The following CAMK4 variants were observed in gnomAD, a reference collection of about 807,000 sequenced individuals.
CAMK4 encodes calcium/calmodulin-dependent protein kinase type IV.
Under a neutral mutation model 44.9 loss-of-function variants are expected in CAMK4, and 22 were observed. The ratio of observed to expected loss-of-function variants is 0.49; its 90% CI spans 0.35 to 0.70. The LOEUF (loss-of-function observed/expected upper bound fraction) is 0.70, where lower values mean the gene tolerates loss of function less well. CAMK4 is among the 30% of genes least tolerant of loss of function. The probability of loss-of-function intolerance (pLI) is 0.01; values close to 1 mark genes in which losing one functional copy is unlikely to be tolerated. For synonymous variants in CAMK4, 218 were observed against 215.4 expected (o/e 1.01, Z -0.11); for missense variants, 498 against 586.8 (o/e 0.85, Z 1.56).
intron 2 of CAMK4, among the ~76,000 whole-genome samples, chr5:111,356,203 T>C (rs1179429764): frequency 1.3e-5 from 2 of 149,914 alleles, no homozygotes; most frequent in Admixed American, 6.7e-5. Context: ...TTCTAACTGG[T>C]GTGAGATGGT....
chr5:111,419,442 A>G (rs1422580241), intron 5 of CAMK4, among the ~76,000 whole-genome samples: 6 of 152,024 alleles, frequency 3.9e-5, no homozygotes, highest in South Asian at 4.1e-4. Context: ...AAACTCTTTA[A>G]TTTAATTAGA....
intron 1 of CAMK4, among the ~76,000 whole-genome samples, chr5:111,277,262 A>G (rs931874010): frequency 1.3e-5 from 2 of 152,196 alleles, no homozygotes; most frequent in Non-Finnish European, 2.9e-5. Context: ...AACCACTTAC[A>G]CTGGAGTCTA....
Position 111,478,402 on chromosome 5 carries a change from C to T in CAMK4, c.723C>T (p.Phe241=), listed in dbSNP as rs769520998. ...CTAGACTTTGTGGATTTGAACCATT[C>T]TATGATGAAAGAGGCGATCAGTTCA... The part of the protein sequence containing the change: ...TYILLCGFEP[F]YDERGDQFMF... The change falls in exon 9 of 11, where the codon TTC becomes TTT. Residue 241 remains phenylalanine (F), a synonymous_variant. Transcript: ENST00000282356. 1.9e-6 allele frequency: 3 copies of T among 1,574,978 alleles called. No homozygotes were observed. The highest frequency in any genetic ancestry group is 1.7e-6 in the Non-Finnish European group (2 of 1,148,942).
At chr5:111,311,757 A>G (rs1358459743) in intron 1 of CAMK4, among the ~76,000 whole-genome samples, 1 of 152,196 alleles carries the variant, frequency 6.6e-6, no homozygotes, top group East Asian at 1.9e-4. Context: ...TTTCTCAAGG[A>G]CAATCATAAA....
At chr5:111,294,298 G>A (rs140390087) in intron 1 of CAMK4, among the ~76,000 whole-genome samples, 1 of 152,138 alleles carries the variant, frequency 6.6e-6, no homozygotes, top group African/African-American at 2.4e-5. Context: ...TGCTAAAAAT[G>A]CTATTTAGGT....
intron 1 of CAMK4, among the ~76,000 whole-genome samples, chr5:111,273,701 A>ATT (rs1750625003): frequency 1.9e-5 from 1 of 52,364 alleles, no homozygotes; most frequent in Non-Finnish European, 3.1e-5. Context: ...ATATATATAT[A>ATT]TATATATATA....
intron 1 of CAMK4, among the ~76,000 whole-genome samples, chr5:111,340,573 TGATGA>T (rs1481638276): frequency 6.6e-6 from 1 of 151,412 alleles, no homozygotes; most frequent in Non-Finnish European, 1.5e-5. Flanking sequence ...CACTTGACCA[TGATGA>T]ATGAGCCTTT....
At chr5:111,391,355 G>C (rs976090100) in intron 4 of CAMK4, among the ~76,000 whole-genome samples, 2 of 152,100 alleles carry the variant, frequency 1.3e-5, no homozygotes, top group African/African-American at 4.8e-5. Flanking sequence ...AAAAGGTTAA[G>C]TAAACCAATT....
At chr5:111,258,694 G>C (rs1401620374) in intron 1 of CAMK4, among the ~76,000 whole-genome samples, 1 of 151,454 alleles carries the variant, frequency 6.6e-6, no homozygotes, top group African/African-American at 2.4e-5. Flanking sequence ...GATTTGGGTG[G>C]GGACACAGCC....
intron 5 of CAMK4, among the ~76,000 whole-genome samples, chr5:111,419,781 C>G (rs938658145): frequency 2.6e-5 from 4 of 152,074 alleles, no homozygotes; most frequent in Non-Finnish European, 4.4e-5. Context: ...TCTGAGGGCT[C>G]TGTTCTGTTC....
intron 7 of CAMK4, among the ~76,000 whole-genome samples, chr5:111,460,109 C>T (rs991085435): frequency 6.6e-6 from 1 of 151,970 alleles, no homozygotes; most frequent in African/African-American, 2.4e-5. Context: ...TGGACCAGAA[C>T]ACCCACAAAA....
rs78006020 is a variant in CAMK4, at chr5:111,455,914, G to A, written c.625+6711G>A. ...GAATAATAAGAACACTTATTTCACA[G>A]GGCTATTATAAAGAATAAATAAGAT... On this transcript the variant is annotated intron_variant, in intron 7 of 10. Transcript: ENST00000282356. Among the ~76,000 whole-genome samples, 244 of 152,286 alleles carry A rather than the reference G, an allele frequency of 1.6e-3. 6 individuals are homozygous for A. The East Asian group carries it at 0.018, about 11-fold the overall frequency.
intron 2 of CAMK4, among the ~76,000 whole-genome samples, chr5:111,351,879 T>C (rs1047204284): frequency 1.3e-5 from 2 of 152,174 alleles, no homozygotes; most frequent in African/African-American, 2.4e-5. Flanking sequence ...TTCACAGTTC[T>C]GGAGGCTGAG....
intron 1 of CAMK4, among the ~76,000 whole-genome samples, chr5:111,339,735 C>T (rs138231389): frequency 3.3e-5 from 5 of 150,770 alleles, no homozygotes; most frequent in East Asian, 3.9e-4. Flanking sequence ...ACAGGAATTT[C>T]GGAATTTTTT....
At chr5:111,439,742 C>T (rs1367360015) in intron 5 of CAMK4, among the ~76,000 whole-genome samples, 1 of 152,030 alleles carries the variant, frequency 6.6e-6, no homozygotes, top group East Asian at 1.9e-4. Flanking sequence ...GATGAGCTCA[C>T]CCTGGAAACA....
rs376782671 is a variant in CAMK4 at position 111,413,768 on chromosome 5, A to G, written c.459+18986A>G. On this transcript the variant is annotated intron_variant, in intron 5 of 10. Coordinates refer to ENST00000282356, the MANE Select transcript of CAMK4 (RefSeq NM_001744.6). ...TTGATGTAGGATAAACAGAAAATAT[A>G]GGTTCAAATATTTTGTAAAATCACT... is the stretch of plus-strand genomic sequence containing the variant. Among the ~76,000 whole-genome samples the G allele has an allele frequency of 1.2e-4, 18 of 152,246 alleles. No homozygotes were observed. The East Asian group carries it at 3.1e-3, about 26-fold the overall frequency.
Position 111,385,963 on chromosome 5 carries a change from A to G in CAMK4, c.387-8747A>G, listed in dbSNP as rs960092150. On this transcript the variant is annotated intron_variant, in intron 4 of 10. Transcript: ENST00000282356. The stretch of plus-strand genomic sequence containing the variant: ...CTTTTAGGCCCATTCCCAGATTTGC[A>G]ATTTGATTTGACCTCCTCTTTCTCT... Among the ~76,000 whole-genome samples the G allele has an allele frequency of 3.3e-5, 5 of 152,110 alleles. No homozygotes were observed. The South Asian group carries it at 1.0e-3, about 32-fold the overall frequency.
intron 1 of CAMK4, chr5:111,302,498 A>G (rs1352886650): frequency 7.0e-6 from 1 of 143,088 alleles, no homozygotes; most frequent in African/African-American, 2.8e-5. Context: ...GCACCTGGAA[A>G]ATCGGGTCAC....
intron 1 of CAMK4, among the ~76,000 whole-genome samples, chr5:111,229,211 G>C (rs1320312805): frequency 6.6e-6 from 1 of 152,196 alleles, no homozygotes; most frequent in Non-Finnish European, 1.5e-5. Flanking sequence ...AGCTCTGGAG[G>C]CTAGGAAGTC....
Sources: gnomAD v4.1 joint callset for allele counts (sites outside exome capture counted in the v4.1 genomes callset) on GRCh38, gnomAD v4.1.1 for gene constraint, MANE v1.5 for transcripts, NCBI Gene and HGNC (gene_info 2026-07-23, HGNC 2026-07-21) for gene names.